Variants in KCNH4 observed in about 807,000 individuals in gnomAD.
KCNH4 encodes the protein voltage-gated delayed rectifier potassium channel KCNH4.
In KCNH4, 33 loss-of-function variants were observed where a neutral mutation model predicts 90.7. The ratio of observed to expected loss-of-function variants is 0.36; its 90% confidence interval spans 0.28 to 0.49. The LOEUF (loss-of-function observed/expected upper bound fraction) is 0.49, where lower values mean the gene tolerates loss of function less well. Among genes scored for constraint, KCNH4 ranks in the 20% least tolerant of loss-of-function variants. KCNH4 has a pLI of 0.98. For missense variants in KCNH4, 1,044 were observed against 1,387.1 expected (o/e 0.75, Z 3.93); for synonymous variants, 551 against 581.7 (o/e 0.95, Z 0.76).
At chr17:42,159,121 G>A (rs777352306) in intron 16 of KCNH4, among the ~76,000 whole-genome samples, 12 of 151,740 alleles carry the variant, frequency 7.9e-5, no homozygotes, top group Admixed American at 1.3e-4. Flanking sequence ...TCCGCCTCCC[G>A]GATTCAAGCG....
chr17:42,160,556 G>T, intron 15 of KCNH4, 121 bp from the exon 16 acceptor site: 1 of 1,030,078 alleles, frequency 9.7e-7, no homozygotes, highest in Non-Finnish European at 1.4e-6. Context: ...TGGGAAAAAG[G>T]CAGGATGAGG....
chr17:42,163,687 G>A lies in KCNH4; in HGVS notation c.2396C>T (p.Pro799Leu). 6.6e-7 allele frequency: 1 copy of A among 1,512,334 alleles called. No individual in the cohort carries two copies. The highest frequency in any genetic ancestry group is 1.3e-5 in the South Asian group (1 of 74,980). 93.7% of individuals were successfully genotyped at this position (1,512,334 alleles called of 1,614,324 possible). ...QGHSASPHGP[P>L]RCSAAWKPPQ... ...GGGCTTCCAGGCAGCAGAGCACCTGGGGGGGCCGTGAGGGGAGGCACTGTG... is the reference window on the plus strand; with the variant it reads ...GGGCTTCCAGGCAGCAGAGCACCTGAGGGGGCCGTGAGGGGAGGCACTGTG... The change falls in exon 13 of 17, where the codon CCC (proline) becomes CTC (leucine). Residue 799 changes from proline (P) to leucine (L), a missense_variant. Pro to Leu is a moderately conservative substitution (Grantham distance 98). Around this residue, in one of 4 missense-constraint regions of KCNH4, gnomAD observed 441 missense variants for 512.3 expected, o/e 0.86. Coordinates refer to ENST00000264661, the MANE Select transcript of KCNH4 (RefSeq NM_012285.3). This position sits in a 1 kb window ranked among gnomAD's most constrained non-coding sequence, Gnocchi z 5.4.
At chr17:42,172,536 AACACACACACACACACAC>A (rs55671197) in intron 6 of KCNH4, among the ~76,000 whole-genome samples, 45 of 136,738 alleles carry the variant, frequency 3.3e-4, no homozygotes, top group African/African-American at 7.3e-4. Context: ...CTTATTTAAC[AACACACACACACACACAC>A]ACACACACAC....
chr17:42,174,118 C>T (rs1039321053), intron 6 of KCNH4, among the ~76,000 whole-genome samples: 5 of 152,062 alleles, frequency 3.3e-5, no homozygotes, highest in African/African-American at 9.7e-5. Flanking sequence ...CCAGCACACC[C>T]GGCTAATTTT....
At position 42,178,396 on chromosome 17, in the gene KCNH4, T is replaced by G; in HGVS notation, c.392A>C (p.Lys131Thr). Residue 131 changes from lysine (K) to threonine (T), a missense_variant, in exon 3 of 17, where the codon AAG becomes ACG. Lys to Thr is a moderately conservative substitution (Grantham distance 78). Coordinates refer to ENST00000264661, the MANE Select transcript of KCNH4 (RefSeq NM_012285.3). ...GEVVLFLFSF[K>T]DITQSGSPGL... is the part of the protein sequence containing the mutation. ...TGGGCTTCCACTCTGAGTGATATCCTTGAAGGAAAAGAGGAACAGCACGAC... is the reference window on the plus strand; with the variant it reads ...TGGGCTTCCACTCTGAGTGATATCCGTGAAGGAAAAGAGGAACAGCACGAC... 1 of 1,614,202 alleles carries G rather than the reference T, an allele frequency of 6.2e-7. No individual in the cohort carries two copies. The highest frequency in any genetic ancestry group is 8.5e-7 in the Non-Finnish European group (1 of 1,180,032).
rs766684545 is a variant in KCNH4 at position 42,166,321 on chromosome 17, C to A, written c.1816G>T (p.Asp606Tyr). Residue 606 changes from aspartate (D) to tyrosine (Y), a missense_variant, in exon 10 of 17, where the codon GAC becomes TAC. Asp to Tyr is a radical substitution (Grantham distance 160, BLOSUM62 -3). This residue lies in a region of KCNH4 where 318 missense variants were observed against 479.6 expected (regional missense o/e 0.66). Coordinates refer to ENST00000264661, the MANE Select transcript of KCNH4 (RefSeq NM_012285.3). ...VCSGSLEVLRDNMVLAILGKG... is the reference protein window; with the variant it reads ...VCSGSLEVLRYNMVLAILGKG... ...CCCAGGATGGCCAGCACCATGTTGT[C>A]TCGGAGCACCTCAAGCGAGCCGGAG... The A allele has an allele frequency of 1.2e-6, 2 of 1,608,760 alleles. No homozygotes were observed. The highest frequency in any genetic ancestry group is 8.5e-7 in the Non-Finnish European group (1 of 1,177,656).
In KCNH4 at chr17:42,178,167, C is replaced by T. The variant is rs201093626; in HGVS notation, c.518G>A (p.Arg173His). The T allele has an allele frequency of 1.9e-5, 31 of 1,614,084 alleles. No individual in the cohort carries two copies. The highest frequency in any genetic ancestry group is 1.6e-4 in the Middle Eastern group (1 of 6,084). The change falls in exon 4 of 17, where the codon CGT (arginine) becomes CAT (histidine). Residue 173 changes from arginine (R) to histidine (H), a missense_variant. By Grantham distance (29) the Arg-to-His change is conservative. Transcript: ENST00000264661. ...GCCGGTCAGTCGGTGTAGGACAGTA[C>T]GGCTCCGTCTTCTGGCAGACCGAAA... ...WKFRSARRRS[R>H]TVLHRLTGHF...
chr17:42,163,861 C>T lies in KCNH4; in HGVS notation c.2222G>A (p.Arg741Gln), dbSNP rs748423948. 81 of 1,513,008 alleles carry T rather than the reference C, an allele frequency of 5.4e-5. No individual in the cohort carries two copies. The highest frequency in any genetic ancestry group is 7.3e-5 in the East Asian group (3 of 41,124). 93.7% of individuals were successfully genotyped at this position (1,513,008 alleles called of 1,614,324 possible). A position where few individuals can be genotyped will look rare whatever the true frequency, so the allele number is the denominator to read the frequency against. ...GAGGTTGGGCAGCAGGAGGGGCCGT[C>T]GGGGCCTGGGACCACCCCCAGGCTC... is the stretch of plus-strand genomic sequence containing the variant. ...GAEPGGGPRPRRPLLLPNLSP... is the reference protein window; with the variant it reads ...GAEPGGGPRPQRPLLLPNLSP... Residue 741 changes from arginine to glutamine, a missense_variant, in exon 13 of 17, where the codon CGA becomes CAA. Physicochemically the swap from Arg to Gln is conservative, Grantham distance 43. Transcript: ENST00000264661. This position sits in a 1 kb window ranked among gnomAD's most constrained non-coding sequence, Gnocchi z 5.4.
In KCNH4 at chr17:42,156,926, G is replaced by C. The variant is rs1021540644; in HGVS notation, c.*502C>G. 1 of 152,318 alleles carries C rather than the reference G, an allele frequency of 6.6e-6. No individual in the cohort carries two copies. Among genetic ancestry groups the C allele is most frequent in the Non-Finnish European group, 1.5e-5 (1 of 68,056 alleles). The allele number at this position is 152,318 out of a possible 1,614,324, so 9.4% of individuals were successfully genotyped here. On this transcript the variant is annotated 3_prime_UTR_variant, in exon 17 of 17. Coordinates refer to ENST00000264661, the MANE Select transcript of KCNH4 (RefSeq NM_012285.3). The stretch of plus-strand genomic sequence containing the variant: ...AAGAGTTTATTTCCTATCCAAAAGT[G>C]AGCCCAGGGTGTTGGGTGGTAGAGG...
chr17:42,158,128 A>G (rs1322271163), intron 16 of KCNH4, among the ~76,000 whole-genome samples: 1 of 151,546 alleles, frequency 6.6e-6, no homozygotes, highest in Non-Finnish European at 1.5e-5. Context: ...GGGTTTCTCC[A>G]TGTTGGTCAG....
In KCNH4 at chr17:42,163,862, G is replaced by T; in HGVS notation, c.2221C>A (p.Arg741=). 6.6e-7 allele frequency: 1 copy of T among 1,513,906 alleles called. No homozygotes were observed. Among genetic ancestry groups the T allele is most frequent in the Non-Finnish European group, 8.9e-7 (1 of 1,129,832 alleles). 93.8% of individuals were successfully genotyped at this position (1,513,906 alleles called of 1,614,324 possible). A position where few individuals can be genotyped will look rare whatever the true frequency, so the allele number is the denominator to read the frequency against. ...GAEPGGGPRP[R]RPLLLPNLSP... Reference sequence around the variant, plus strand: ...AGGTTGGGCAGCAGGAGGGGCCGTCGGGGCCTGGGACCACCCCCAGGCTCC... The same window carrying T: ...AGGTTGGGCAGCAGGAGGGGCCGTCTGGGCCTGGGACCACCCCCAGGCTCC... The change falls in exon 13 of 17, where the codon CGA becomes AGA. Residue 741 remains arginine, a synonymous_variant. Transcript: ENST00000264661. This position sits in a 1 kb window ranked among gnomAD's most constrained non-coding sequence, Gnocchi z 5.4.
chr17:42,172,801 G>T (rs1013647422), intron 6 of KCNH4, among the ~76,000 whole-genome samples: 11 of 152,044 alleles, frequency 7.2e-5, no homozygotes, highest in Admixed American at 2.0e-4. Flanking sequence ...AGAGTCAGGG[G>T]ATAGGCAACA....
Position 42,178,481 on chromosome 17 carries a change from T to C in KCNH4, c.311-4A>G. On this transcript the variant is annotated splice_polypyrimidine_tract_variant and splice_region_variant and intron_variant, in intron 2 of 16. Coordinates refer to ENST00000264661, the MANE Select transcript of KCNH4 (RefSeq NM_012285.3). The stretch of plus-strand genomic sequence containing the variant: ...AGGAGGCACCAAAAGGCTGAGCCTG[T>C]AGGCATGGAGAGAGGGAAGGGAGGA... The C allele has an allele frequency of 6.2e-7, 1 of 1,614,108 alleles. No individual in the cohort carries two copies.
rs765789209 is a variant in KCNH4, at chr17:42,160,008, C to T, written c.*32G>A. 6.8e-7 allele frequency: 1 copy of T among 1,471,342 alleles called. No homozygotes were observed. 91.1% of individuals were successfully genotyped at this position (1,471,342 alleles called of 1,614,324 possible). A position where few individuals can be genotyped will look rare whatever the true frequency, so the allele number is the denominator to read the frequency against. On this transcript the variant is annotated 3_prime_UTR_variant, in exon 16 of 17. Transcript: ENST00000264661. ...TCCCTGAGTGGTGAGCGGCAGCGCCCACCCCAGACAGGCCTGGGCCCTGGG... is the reference window on the plus strand; with the variant it reads ...TCCCTGAGTGGTGAGCGGCAGCGCCTACCCCAGACAGGCCTGGGCCCTGGG...
At chr17:42,168,724 G>A (rs1185719443) in intron 9 of KCNH4, among the ~76,000 whole-genome samples, 1 of 151,794 alleles carries the variant, frequency 6.6e-6, no homozygotes, top group Admixed American at 6.6e-5. Context: ...TCACCCCCCG[G>A]GCCCTGTTTG....
Position 42,172,014 on chromosome 17 carries a change from G to A in KCNH4, c.988-19C>T. 3 of 1,565,440 alleles carry A rather than the reference G, an allele frequency of 1.9e-6. No individual in the cohort carries two copies. Among genetic ancestry groups the A allele is most frequent in the Non-Finnish European group, 2.6e-6 (3 of 1,155,586 alleles). ...GCGAGGTCTGCAGGAAGGTGGCGGGGGAGGCTGTCAGCAGGCACACCTCCT... is the reference window on the plus strand; with the variant it reads ...GCGAGGTCTGCAGGAAGGTGGCGGGAGAGGCTGTCAGCAGGCACACCTCCT... On this transcript the variant is annotated intron_variant, in intron 6 of 16. Transcript: ENST00000264661.
chr17:42,163,224 T>C lies in KCNH4; in HGVS notation c.2584+4A>G. ...CGGGGTTGAAGTCCACTGTTGGCCC[T>C]TACCTGTAGGGGGCGCCTGGGAGCG... On this transcript the variant is annotated splice_donor_region_variant and intron_variant, in intron 14 of 16. Coordinates refer to ENST00000264661, the MANE Select transcript of KCNH4 (RefSeq NM_012285.3). The surrounding 1 kb of genome is among the most constrained non-coding windows in gnomAD (Gnocchi z 5.4). 6.2e-7 allele frequency: 1 copy of C among 1,606,404 alleles called. No homozygotes were observed.
chr17:42,163,171 A>ATGGACAGG lies in KCNH4; in HGVS notation c.2584+49_2584+56dup. 3 of 1,205,546 alleles carry ATGGACAGG rather than the reference A, an allele frequency of 2.5e-6. No individual in the cohort carries two copies. Among genetic ancestry groups the ATGGACAGG allele is most frequent in the Non-Finnish European group, 3.7e-6 (3 of 808,644 alleles). The allele number at this position is 1,205,546 out of a possible 1,614,324, so 74.7% of individuals were successfully genotyped here. A position where few individuals can be genotyped will look rare whatever the true frequency, so the allele number is the denominator to read the frequency against. On this transcript the variant is annotated intron_variant, in intron 14 of 16. Coordinates refer to ENST00000264661, the MANE Select transcript of KCNH4 (RefSeq NM_012285.3). The surrounding 1 kb of genome is among the most constrained non-coding windows in gnomAD (Gnocchi z 5.4). ...TAGGCCCCTACTACATATGGGATGG[A>ATGGACAGG]TGGACAGGTGGATGGGCAGATGGAT... is the stretch of plus-strand genomic sequence containing the variant.
In KCNH4 at chr17:42,163,891, C is replaced by T; in HGVS notation, c.2192G>A (p.Gly731Asp). 1 of 1,542,088 alleles carries T rather than the reference C, an allele frequency of 6.5e-7. No individual in the cohort carries two copies. The highest frequency in any genetic ancestry group is 8.7e-7 in the Non-Finnish European group (1 of 1,143,172). ...CCTGGGACCACCCCCAGGCTCCGCGCCACTCTCGGCCTCTGTGATGGATGG... is the reference window on the plus strand; with the variant it reads ...CCTGGGACCACCCCCAGGCTCCGCGTCACTCTCGGCCTCTGTGATGGATGG... ...TLPSITEAES[G>D]AEPGGGPRPR... The change falls in exon 13 of 17, where the codon GGC (glycine) becomes GAC (aspartate). Residue 731 changes from glycine (G) to aspartate (D), a missense_variant. Gly to Asp is a moderately conservative substitution (Grantham distance 94). Around this residue, in one of 4 missense-constraint regions of KCNH4, gnomAD observed 441 missense variants for 512.3 expected, o/e 0.86. Transcript: ENST00000264661. This position sits in a 1 kb window ranked among gnomAD's most constrained non-coding sequence, Gnocchi z 5.4.
Sources: allele counts gnomAD v4.1 joint callset (sites outside exome capture counted in the v4.1 genomes callset), GRCh38; gene constraint gnomAD v4.1.1; regional missense constraint gnomAD v4.1.1; non-coding constraint Gnocchi (gnomAD v3.1); transcripts MANE v1.5; gene names NCBI Gene and HGNC (gene_info 2026-07-23, HGNC 2026-07-21).